COL21A1: variants seen among roughly 807,000 people sequenced by gnomAD.
COL21A1 encodes the protein collagen alpha-1(XXI) chain.
In COL21A1, 149 loss-of-function variants were observed where a neutral mutation model predicts 137.9. That is an observed-to-expected ratio of 1.08 (90% CI 0.95 to 1.24). The LOEUF is 1.24. Among genes scored for constraint, COL21A1 ranks in the 50% most tolerant of loss-of-function variants. The pLI is 0.00. For missense variants in COL21A1, 1,167 were observed against 1,158.4 expected (o/e 1.01, Z -0.11); for synonymous variants, 456 against 391.5 (o/e 1.16, Z -1.95).
chr6:56,150,542 ACACACACACACACACACACACAC>A (rs1775230019), intron 10 of COL21A1, among the ~76,000 whole-genome samples: 2 of 151,444 alleles, frequency 1.3e-5, no homozygotes, highest in Admixed American at 6.6e-5. Flanking sequence ...ACACACACAC[ACACACACACACACACACACACAC>A]AAGAGTGGGG....
chr6:56,174,276 G>A, intron 3 of COL21A1, among the ~76,000 whole-genome samples: 1 of 150,842 alleles, frequency 6.6e-6, no homozygotes, highest in African/African-American at 2.4e-5. Flanking sequence ...AGGACCTACA[G>A]AAAAAAAAGA....
intron 1 of COL21A1, among the ~76,000 whole-genome samples, chr6:56,302,333 A>G (rs1363227613): frequency 6.6e-6 from 1 of 152,184 alleles, no homozygotes; most frequent in African/African-American, 2.4e-5. Flanking sequence ...GCACTAGTTT[A>G]CAGTCCCACC....
intron 10 of COL21A1, among the ~76,000 whole-genome samples, chr6:56,149,398 A>G (rs922530226): frequency 5.9e-5 from 9 of 152,198 alleles, no homozygotes; most frequent in Non-Finnish European, 1.2e-4. Flanking sequence ...CATTTACACC[A>G]TATATAGCAA....
At chr6:56,255,335 GT>G (rs1479665942) in intron 1 of COL21A1, among the ~76,000 whole-genome samples, 78 of 662 alleles carry the variant, frequency 0.12, no homozygotes, top group Admixed American at 0.11. Context: ...TGTTAAGAGG[GT>G]GTGTGTGTGT....
intron 1 of COL21A1, among the ~76,000 whole-genome samples, chr6:56,370,310 C>T (rs1050931198): frequency 1.3e-5 from 2 of 152,140 alleles, no homozygotes; most frequent in African/African-American, 4.8e-5. Context: ...GTTCAGCTTC[C>T]ACCGGCATCA....
chr6:56,285,107 C>A (rs1763875521), intron 1 of COL21A1, among the ~76,000 whole-genome samples: 1 of 152,178 alleles, frequency 6.6e-6, no homozygotes, highest in Non-Finnish European at 1.5e-5. Flanking sequence ...CAGAATCAAT[C>A]AATAGCAGGG....
chr6:56,390,797 C>T (rs2094027986), intron 1 of COL21A1, among the ~76,000 whole-genome samples: 1 of 151,952 alleles, frequency 6.6e-6, no homozygotes, highest in Non-Finnish European at 1.5e-5. Flanking sequence ...TATATGCACC[C>T]AATACTGAAG....
chr6:56,201,485 G>C (rs1779403862), intron 1 of COL21A1, among the ~76,000 whole-genome samples: 1 of 152,096 alleles, frequency 6.6e-6, no homozygotes, highest in Admixed American at 6.5e-5. Context: ...TTTTGCATAA[G>C]GTGTAAGAAA....
chr6:56,346,145 A>G (rs1431640835), intron 1 of COL21A1, among the ~76,000 whole-genome samples: 1 of 152,216 alleles, frequency 6.6e-6, no homozygotes, highest in Non-Finnish European at 1.5e-5. Flanking sequence ...GTACACATCT[A>G]TGTGGCCAAT....
At chr6:56,236,439 G>T (rs991721463) in intron 1 of COL21A1, among the ~76,000 whole-genome samples, 1 of 151,990 alleles carries the variant, frequency 6.6e-6, no homozygotes, top group African/African-American at 2.4e-5. Context: ...AGGGGTTAAG[G>T]CATCAAGAAT....
chr6:56,076,547 G>A (rs1767263391), intron 18 of COL21A1, among the ~76,000 whole-genome samples: 1 of 150,898 alleles, frequency 6.6e-6, no homozygotes, highest in South Asian at 2.1e-4. Flanking sequence ...AAAAAGTTGT[G>A]GTTTAAAAAA....
intron 1 of COL21A1, among the ~76,000 whole-genome samples, chr6:56,194,093 T>G (rs575359022): frequency 6.6e-6 from 1 of 152,312 alleles, no homozygotes; most frequent in South Asian, 2.1e-4. Context: ...TAACAACATG[T>G]CCTAATAAAT....
chr6:56,094,238 C>G (rs897254056), intron 17 of COL21A1, among the ~76,000 whole-genome samples: 2 of 152,144 alleles, frequency 1.3e-5, no homozygotes, highest in African/African-American at 4.8e-5. Flanking sequence ...GTCTTACTTT[C>G]CACACAACTG....
rs1582279515 is a variant in COL21A1 at position 56,082,994 on chromosome 6, T to A, written c.1813-5421A>T. Among the ~76,000 whole-genome samples the A allele has an allele frequency of 2.6e-5, 4 of 151,274 alleles. No individual in the cohort carries two copies. The South Asian group carries it at 8.3e-4, about 31-fold the overall frequency. On this transcript the variant is annotated intron_variant, in intron 17 of 29. Transcript: ENST00000244728. ...TTTCTTATAAAAATAATGAAACAAT[T>A]GACAAGCATTGATTAAAGTAAAAAA...
chr6:56,200,508 G>T (rs1273817330), intron 1 of COL21A1, among the ~76,000 whole-genome samples: 2 of 130,664 alleles, frequency 1.5e-5, no homozygotes, highest in Non-Finnish European at 3.1e-5. Context: ...CTGTGTCCAT[G>T]TGTTCTCATT....
intron 1 of COL21A1, among the ~76,000 whole-genome samples, chr6:56,183,243 CAAT>C (rs1178454496): frequency 1.1e-4 from 17 of 151,852 alleles, no homozygotes; most frequent in African/African-American, 1.7e-4. Context: ...TCATTCACAA[CAAT>C]GAGTACATAC....
chr6:56,136,318 C>A (rs571966890), intron 12 of COL21A1, among the ~76,000 whole-genome samples: 1 of 152,172 alleles, frequency 6.6e-6, no homozygotes, highest in African/African-American at 2.4e-5. Flanking sequence ...CTACTCTAGC[C>A]TACCTATTGT....
intron 1 of COL21A1, among the ~76,000 whole-genome samples, chr6:56,304,944 T>A (rs527943041): frequency 6.0e-4 from 91 of 152,138 alleles, no homozygotes; most frequent in Non-Finnish European, 1.0e-3. Flanking sequence ...CTTTGTTCTC[T>A]TTGGTTTCAA....
At chr6:56,226,275 A>C (rs1781187346) in intron 1 of COL21A1, among the ~76,000 whole-genome samples, 1 of 151,932 alleles carries the variant, frequency 6.6e-6, no homozygotes. Flanking sequence ...AAATATAGGA[A>C]TGTTATATCA....
Sources: gnomAD v4.1 joint callset for allele counts (sites outside exome capture counted in the v4.1 genomes callset) on GRCh38, gnomAD v4.1.1 for gene constraint, MANE v1.5 for transcripts, NCBI Gene and HGNC (gene_info 2026-07-23, HGNC 2026-07-21) for gene names.